SH3D19: variants seen among roughly 807,000 people sequenced by gnomAD.
SH3D19 encodes the protein SH3 domain containing 19.
In SH3D19, 58 loss-of-function variants were observed where a neutral mutation model predicts 112.1. The observed-to-expected ratio is 0.52, with a 90% CI of 0.42 to 0.64. The LOEUF (loss-of-function observed/expected upper bound fraction) is 0.64. Ranked by LOEUF, SH3D19 falls within the 30% of genes least tolerant of loss-of-function variation. SH3D19 has a pLI of 0.00. For synonymous variants in SH3D19, 391 were observed against 448.5 expected, an observed-to-expected ratio of 0.87 and a Z score of 1.62; for missense variants, 1,090 against 1,263.4, an observed-to-expected ratio of 0.86 and a Z score of 2.08.
chr4:151,167,387 AAG>A (rs1162762061), intron 7 of SH3D19, among the ~76,000 whole-genome samples: 4 of 151,900 alleles, frequency 2.6e-5, no homozygotes, highest in South Asian at 2.1e-4. Context: ...AAAATAGAAA[AAG>A]AAAACCTCTT....
At chr4:151,290,244 C>T (rs72967580) in intron 1 of SH3D19, among the ~76,000 whole-genome samples, 3,240 of 152,188 alleles carry the variant, frequency 0.021, 124 homozygotes, top group African/African-American at 0.074. Flanking sequence ...CATGCTGGGC[C>T]ATAGAAGCAT....
chr4:151,223,219 G>T (rs1441137310), intron 2 of SH3D19, among the ~76,000 whole-genome samples: 3 of 151,262 alleles, frequency 2.0e-5, no homozygotes, highest in Admixed American at 6.6e-5. Flanking sequence ...ACAGCAGCTG[G>T]TATCTTTTGA....
intron 1 of SH3D19, among the ~76,000 whole-genome samples, chr4:151,258,798 C>T (rs534868487): frequency 6.6e-6 from 1 of 152,240 alleles, no homozygotes; most frequent in South Asian, 2.1e-4. Context: ...TGGTTCTGCT[C>T]CCCCTTCTCT....
chr4:151,219,074 C>A (rs13151317), intron 2 of SH3D19, among the ~76,000 whole-genome samples: 51,091 of 152,072 alleles, frequency 0.34, 9,942 homozygotes, highest in Middle Eastern at 0.46. Flanking sequence ...TCAAACAGGG[C>A]TACTCTGAAC....
chr4:151,148,254 T>TACACACACACACACACAC lies in SH3D19; in HGVS notation c.1818-86_1818-69dup, dbSNP rs34219685. 13 of 983,824 alleles carry TACACACACACACACACAC rather than the reference T, an allele frequency of 1.3e-5. No homozygotes were observed. The African/African-American group carries it at 2.4e-4, about 18-fold the overall frequency. 60.9% of individuals were successfully genotyped at this position (983,824 alleles called of 1,614,324 possible). A position where few individuals can be genotyped will look rare whatever the true frequency, so the allele number is the denominator to read the frequency against. ...TATTAAATTCTGTCCTGTCCTGTCT[T>TACACACACACACACACAC]ACACACACACACACACACACACACA... On this transcript the variant is annotated intron_variant, in intron 10 of 19. Coordinates refer to ENST00000604030, the MANE Select transcript of SH3D19 (RefSeq NM_001378122.1).
intron 1 of SH3D19, among the ~76,000 whole-genome samples, chr4:151,241,418 TA>T (rs1770548356): frequency 4.6e-5 from 7 of 151,982 alleles, no homozygotes; most frequent in Non-Finnish European, 8.8e-5. Flanking sequence ...GAAAGTATTA[TA>T]AATTAGTGGT....
At chr4:151,183,265 T>C (rs1359736043) in intron 3 of SH3D19, among the ~76,000 whole-genome samples, 2 of 152,172 alleles carry the variant, frequency 1.3e-5, no homozygotes, top group African/African-American at 4.8e-5. Context: ...GTGCTGGGAT[T>C]ATAGGTGTGA....
intron 1 of SH3D19, chr4:151,291,071 T>A: frequency 7.0e-7 from 1 of 1,436,636 alleles, no homozygotes; most frequent in Non-Finnish European, 9.5e-7. Context: ...TACTCTCTTC[T>A]TTATGCCTCT....
intron 1 of SH3D19, chr4:151,228,145 T>A: frequency 3.1e-6 from 2 of 652,296 alleles, no homozygotes; most frequent in Non-Finnish European, 3.8e-6. Context: ...AACCAGTAAT[T>A]AAAATTCAAC....
intron 1 of SH3D19, among the ~76,000 whole-genome samples, chr4:151,322,593 C>T (rs1291442942): frequency 6.6e-6 from 1 of 151,028 alleles, no homozygotes; most frequent in Non-Finnish European, 1.5e-5. Context: ...AACATAAATA[C>T]ATTTTATAAA....
intron 1 of SH3D19, among the ~76,000 whole-genome samples, chr4:151,304,505 C>A (rs1298806479): frequency 6.6e-6 from 1 of 152,186 alleles, no homozygotes; most frequent in Non-Finnish European, 1.5e-5. Flanking sequence ...TTTGTCTTGA[C>A]CTGTCTGGTT....
chr4:151,154,904 C>A (rs541279611), intron 9 of SH3D19, among the ~76,000 whole-genome samples: 1 of 151,644 alleles, frequency 6.6e-6, no homozygotes, highest in Non-Finnish European at 1.5e-5. Context: ...ATTACAGGCA[C>A]GCATCACCAT....
intron 2 of SH3D19, among the ~76,000 whole-genome samples, chr4:151,219,733 C>T (rs1279473246): frequency 6.6e-6 from 1 of 152,168 alleles, no homozygotes; most frequent in African/African-American, 2.4e-5. Flanking sequence ...ACCTTTGTCA[C>T]CTACGTGCAC....
At chr4:151,218,558 A>G (rs2149928777) in intron 2 of SH3D19, among the ~76,000 whole-genome samples, 1 of 152,270 alleles carries the variant, frequency 6.6e-6, no homozygotes, top group Middle Eastern at 3.4e-3. Flanking sequence ...GACTACAGGC[A>G]TGAGTCATCA....
rs775734319 is a variant in SH3D19, at chr4:151,174,884, T to C, written c.1320A>G (p.Pro440=). The C allele has an allele frequency of 1.8e-5, 29 of 1,611,348 alleles. No individual in the cohort carries two copies. In the Middle Eastern group the frequency reaches 6.6e-4, roughly 37 times the overall value. ...SSENPTYPSA[P]LKPVTVPPRL... is the part of the protein sequence containing the mutation. The stretch of plus-strand genomic sequence containing the variant: ...GGGGAGGAACAGTGACAGGTTTCAG[T>C]GGAGCTGAAGGGTAGGTGGGGTTTT... Residue 440 remains proline (P), a synonymous_variant, in exon 7 of 20, where the codon CCA becomes CCG. Transcript: ENST00000604030.
intron 1 of SH3D19, among the ~76,000 whole-genome samples, chr4:151,301,713 A>G (rs1728447699): frequency 6.6e-6 from 1 of 152,128 alleles, no homozygotes; most frequent in South Asian, 2.1e-4. Flanking sequence ...CTCTTTTTAA[A>G]AGAAATTACC....
intron 2 of SH3D19, among the ~76,000 whole-genome samples, chr4:151,221,365 C>T (rs1040136713): frequency 6.6e-6 from 1 of 152,172 alleles, no homozygotes; most frequent in African/African-American, 2.4e-5. Context: ...GTTGATGCAG[C>T]AGGTATTAAT....
intron 7 of SH3D19, among the ~76,000 whole-genome samples, chr4:151,172,784 C>A (rs1403384990): frequency 6.6e-6 from 1 of 152,152 alleles, no homozygotes; most frequent in Admixed American, 6.5e-5. Context: ...GGTGAGAAGA[C>A]TCAAGGATGA....
At chr4:151,211,932 C>A (rs1256951608) in intron 2 of SH3D19, among the ~76,000 whole-genome samples, 2 of 152,182 alleles carry the variant, frequency 1.3e-5, no homozygotes, top group Non-Finnish European at 2.9e-5. Context: ...AGTTATCCAG[C>A]AGATCTAGCT....
Sources: allele counts gnomAD v4.1 joint callset (sites outside exome capture counted in the v4.1 genomes callset), GRCh38; gene constraint gnomAD v4.1.1; transcripts MANE v1.5; gene names NCBI Gene and HGNC (gene_info 2026-07-23, HGNC 2026-07-21).